ROBO1: variants seen among roughly 807,000 people sequenced by gnomAD.
The protein encoded by ROBO1 is roundabout homolog 1.
A neutral mutation model predicts 195.9 loss-of-function variants in ROBO1; 149 were observed. The observed-to-expected ratio is 0.76, with a 90% CI of 0.67 to 0.87. The LOEUF (loss-of-function observed/expected upper bound fraction) is 0.87, where lower values mean the gene tolerates loss of function less well. Among genes scored for constraint, ROBO1 ranks in the 40% least tolerant of loss-of-function variants. The pLI, the probability that ROBO1 is intolerant of heterozygous loss-of-function variation, is 0.00. For synonymous variants in ROBO1, 816 were observed against 733.2 expected (o/e 1.11, Z -1.82); for missense variants, 1,933 against 2,068.3 (o/e 0.93, Z 1.27).
At chr3:78,727,684 A>G (rs1199255024) in intron 5 of ROBO1, among the ~76,000 whole-genome samples, 1 of 152,224 alleles carries the variant, frequency 6.6e-6, no homozygotes, top group Non-Finnish European at 1.5e-5. Flanking sequence ...TGGTTTAATT[A>G]TATTTCTGAA....
At chr3:79,136,745 A>G (rs1409791237) in intron 2 of ROBO1, among the ~76,000 whole-genome samples, 1 of 152,116 alleles carries the variant, frequency 6.6e-6, no homozygotes, top group Non-Finnish European at 1.5e-5. Context: ...GTATGGCCCA[A>G]ATAATTGTTG....
At chr3:79,542,263 G>A (rs994615075) in intron 2 of ROBO1, among the ~76,000 whole-genome samples, 1 of 151,958 alleles carries the variant, frequency 6.6e-6, no homozygotes, top group Non-Finnish European at 1.5e-5. Context: ...CATTATATTT[G>A]CTAAGAAAAT....
chr3:79,294,981 C>G (rs894701301), intron 2 of ROBO1, among the ~76,000 whole-genome samples: 1 of 152,096 alleles, frequency 6.6e-6, no homozygotes, highest in East Asian at 1.9e-4. Flanking sequence ...GAAATAGGAA[C>G]GTTTTTACAC....
At chr3:79,434,786 C>G (rs2038821377) in intron 2 of ROBO1, among the ~76,000 whole-genome samples, 1 of 152,172 alleles carries the variant, frequency 6.6e-6, no homozygotes, top group African/African-American at 2.4e-5. Flanking sequence ...TGGCACTATT[C>G]ACAATAGCAA....
At chr3:79,681,240 T>C (rs575058157) in intron 1 of ROBO1, among the ~76,000 whole-genome samples, 1 of 152,090 alleles carries the variant, frequency 6.6e-6, no homozygotes, top group Admixed American at 6.6e-5. Flanking sequence ...GCTTTATGGC[T>C]TTAAAAATTC....
chr3:79,484,822 C>T (rs1939073368), intron 2 of ROBO1, among the ~76,000 whole-genome samples: 1 of 127,548 alleles, frequency 7.8e-6, no homozygotes, highest in Non-Finnish European at 1.6e-5. Context: ...GGCATGATCT[C>T]GGCTCACTGC....
At chr3:79,253,417 T>C (rs1576881046) in intron 2 of ROBO1, among the ~76,000 whole-genome samples, 1 of 152,202 alleles carries the variant, frequency 6.6e-6, no homozygotes, top group Non-Finnish European at 1.5e-5. Context: ...CTTGCAGTAC[T>C]CAGTATGTGT....
chr3:79,678,969 A>T (rs1169525999), intron 1 of ROBO1, among the ~76,000 whole-genome samples: 1 of 152,112 alleles, frequency 6.6e-6, no homozygotes, highest in Non-Finnish European at 1.5e-5. Flanking sequence ...ACTATGGAAA[A>T]AGGTAATTAA....
At chr3:79,260,358 A>C (rs1236252204) in intron 2 of ROBO1, among the ~76,000 whole-genome samples, 3 of 152,050 alleles carry the variant, frequency 2.0e-5, no homozygotes, top group African/African-American at 7.2e-5. Flanking sequence ...TTGTATTTTT[A>C]ATGTATTCTA....
intron 25 of ROBO1, among the ~76,000 whole-genome samples, chr3:78,629,226 A>G (rs1307213986): frequency 2.6e-5 from 4 of 152,206 alleles, no homozygotes; most frequent in Non-Finnish European, 5.9e-5. Context: ...AATGTAGCCA[A>G]TCACGAAACC....
intron 2 of ROBO1, among the ~76,000 whole-genome samples, chr3:79,144,819 T>C (rs1400777261): frequency 1.3e-5 from 2 of 152,010 alleles, no homozygotes; most frequent in Non-Finnish European, 2.9e-5. Context: ...GCAAGATCCA[T>C]CAGACGGAAA....
chr3:79,235,826 A>G (rs1576853473), intron 2 of ROBO1, among the ~76,000 whole-genome samples: 1 of 152,158 alleles, frequency 6.6e-6, no homozygotes, highest in Non-Finnish European at 1.5e-5. Context: ...GTTTAAAAAT[A>G]CAAAAAGATT....
chr3:79,055,511 G>A (rs2078788351), intron 3 of ROBO1, among the ~76,000 whole-genome samples: 1 of 152,032 alleles, frequency 6.6e-6, no homozygotes, highest in Non-Finnish European at 1.5e-5. Context: ...GTTTACCAGA[G>A]CACATTTATC....
intron 2 of ROBO1, among the ~76,000 whole-genome samples, chr3:79,473,940 T>C (rs765345783): frequency 3.3e-5 from 5 of 152,118 alleles, no homozygotes; most frequent in African/African-American, 4.8e-5. Context: ...CTAAGAAATA[T>C]GTGAGTTCTG....
chr3:78,836,402 C>T (rs1362844322), intron 4 of ROBO1, among the ~76,000 whole-genome samples: 14 of 150,502 alleles, frequency 9.3e-5, no homozygotes, highest in Admixed American at 6.0e-4. Flanking sequence ...GTCCCAGCTA[C>T]TCGGGAGGCT....
chr3:79,720,610 A>G (rs1702654183), intron 1 of ROBO1, among the ~76,000 whole-genome samples: 1 of 152,188 alleles, frequency 6.6e-6, no homozygotes, highest in Non-Finnish European at 1.5e-5. Flanking sequence ...TAACAAGACA[A>G]GAGAGAGTCT....
intron 2 of ROBO1, among the ~76,000 whole-genome samples, chr3:79,542,527 A>C (rs1420774167): frequency 6.6e-6 from 1 of 152,088 alleles, no homozygotes; most frequent in African/African-American, 2.4e-5. Context: ...TCTTCAATTC[A>C]TAATATATAT....
At chr3:79,388,438 G>T (rs2036833885) in intron 2 of ROBO1, among the ~76,000 whole-genome samples, 1 of 151,960 alleles carries the variant, frequency 6.6e-6, no homozygotes, top group Non-Finnish European at 1.5e-5. Flanking sequence ...GGTAGAGAGG[G>T]GAATCAGTCT....
At chr3:79,554,504 G>A (rs1942631274) in intron 2 of ROBO1, among the ~76,000 whole-genome samples, 1 of 152,066 alleles carries the variant, frequency 6.6e-6, no homozygotes, top group Admixed American at 6.6e-5. Flanking sequence ...TGTACAGTAG[G>A]TGATCTCAAG....
Sources: gnomAD v4.1 joint callset for allele counts (sites outside exome capture counted in the v4.1 genomes callset) on GRCh38, gnomAD v4.1.1 for gene constraint, MANE v1.5 for transcripts, NCBI Gene and HGNC (gene_info 2026-07-23, HGNC 2026-07-21) for gene names.